The following ABHD3 variants were observed in gnomAD, a reference collection of about 807,000 sequenced individuals.
ABHD3 encodes phospholipase ABHD3.
In ABHD3, 46 loss-of-function variants were observed where a neutral mutation model predicts 48.8. The observed-to-expected ratio is 0.94, with a 90% CI of 0.74 to 1.20. The LOEUF is 1.20. ABHD3 is among the 50% of genes most tolerant of loss of function. The pLI, the probability that ABHD3 is intolerant of heterozygous loss-of-function variation, is 0.00. For synonymous variants in ABHD3, 192 were observed against 183.7 expected (o/e 1.04, Z -0.36); for missense variants, 490 against 497.8 (o/e 0.98, Z 0.15).
At chr18:21,685,698 T>A (rs1053937284) in intron 3 of ABHD3, among the ~76,000 whole-genome samples, 4 of 151,964 alleles carry the variant, frequency 2.6e-5, no homozygotes, top group Non-Finnish European at 4.4e-5. Flanking sequence ...CTCAGCTAAT[T>A]TTTATTCTTT....
chr18:21,666,022 ATTTATT>A (rs1217461057), intron 4 of ABHD3, among the ~76,000 whole-genome samples: 4 of 151,356 alleles, frequency 2.6e-5, no homozygotes, highest in African/African-American at 9.7e-5. Flanking sequence ...TTATTTTTAA[ATTTATT>A]TTTATTTTAT....
At chr18:21,661,697 A>G (rs1598515378) in intron 5 of ABHD3, 1 of 151,858 alleles carries the variant, frequency 6.6e-6, no homozygotes. Context: ...TTTGAGATGG[A>G]GTTTTGCTCT....
At chr18:21,680,921 T>C (rs2039992659) in intron 4 of ABHD3, among the ~76,000 whole-genome samples, 1 of 151,144 alleles carries the variant, frequency 6.6e-6, no homozygotes, top group South Asian at 2.1e-4. Context: ...TGAGACAGGG[T>C]TTCCATATGT....
intron 5 of ABHD3, among the ~76,000 whole-genome samples, chr18:21,659,675 G>A (rs1001678712): frequency 4.0e-5 from 6 of 150,366 alleles, no homozygotes; most frequent in African/African-American, 1.5e-4. Context: ...TTTTTTTTGT[G>A]TGTGTGTGTT....
intron 2 of ABHD3, 51 bp from the exon 3 acceptor site, chr18:21,702,549 T>TCTTA (rs1451991251): frequency 1.7e-6 from 2 of 1,149,546 alleles, no homozygotes; most frequent in Non-Finnish European, 2.3e-6. Flanking sequence ...TTAAGTCATG[T>TCTTA]CTTAATTTTA....
At chr18:21,679,782 C>T (rs911603833) in intron 4 of ABHD3, among the ~76,000 whole-genome samples, 5 of 152,208 alleles carry the variant, frequency 3.3e-5, no homozygotes, top group African/African-American at 1.2e-4. Context: ...ACCTCAGCCT[C>T]CCAAAGTGCT....
chr18:21,684,412 G>A (rs979826007), intron 3 of ABHD3, among the ~76,000 whole-genome samples: 1 of 143,652 alleles, frequency 7.0e-6, no homozygotes, highest in Non-Finnish European at 1.5e-5. Context: ...CCGCCTCCCA[G>A]GGTTCAAGCG....
chr18:21,659,756 C>T (rs974609291), intron 5 of ABHD3, among the ~76,000 whole-genome samples: 8 of 151,842 alleles, frequency 5.3e-5, no homozygotes, highest in Admixed American at 1.3e-4. Context: ...GCAACCTCCA[C>T]CCCCCTGGTT....
chr18:21,679,770 G>A (rs1039880503), intron 4 of ABHD3, among the ~76,000 whole-genome samples: 3 of 152,030 alleles, frequency 2.0e-5, no homozygotes, highest in African/African-American at 7.2e-5. Flanking sequence ...CATGATCCAC[G>A]CACCTCAGCC....
At chr18:21,699,370 C>T (rs1382093636) in intron 3 of ABHD3, among the ~76,000 whole-genome samples, 2 of 152,184 alleles carry the variant, frequency 1.3e-5, no homozygotes, top group East Asian at 3.8e-4. Flanking sequence ...TATTACACAG[C>T]TTTTCACAAA....
chr18:21,668,968 G>A (rs542888897), intron 4 of ABHD3, among the ~76,000 whole-genome samples: 1 of 152,194 alleles, frequency 6.6e-6, no homozygotes, highest in East Asian at 1.9e-4. Flanking sequence ...TATGCCTGTA[G>A]TCCCAGGTAC....
chr18:21,681,983 A>C, intron 4 of ABHD3, among the ~76,000 whole-genome samples: 1 of 152,006 alleles, frequency 6.6e-6, no homozygotes, highest in Non-Finnish European at 1.5e-5. Context: ...TAAATAAATA[A>C]AAAATCAGCC....
At chr18:21,703,500 T>G in intron 2 of ABHD3, 84 bp downstream of exon 2, 1 of 1,505,660 alleles carries the variant, frequency 6.6e-7, no homozygotes, top group South Asian at 1.2e-5. Flanking sequence ...GCAGATTCTA[T>G]TAACCAAGAA....
chr18:21,665,976 A>G lies in ABHD3; in HGVS notation c.556-1746T>C, dbSNP rs529040098. Among the ~76,000 whole-genome samples the G allele has an allele frequency of 2.5e-3, 383 of 152,258 alleles. 2 individuals are homozygous for G. The highest frequency in any genetic ancestry group is 4.2e-3 in the Non-Finnish European group (288 of 68,020). On this transcript the variant is annotated intron_variant, in intron 4 of 8. Transcript: ENST00000289119. Reference sequence around the variant, plus strand: ...GTGCTGTCTTCACTCTAGATAAAGCAATCTACGGTCTAATTTATTAACTGA... The same window carrying G: ...GTGCTGTCTTCACTCTAGATAAAGCGATCTACGGTCTAATTTATTAACTGA...
intron 4 of ABHD3, among the ~76,000 whole-genome samples, chr18:21,678,329 T>C (rs2146310986): frequency 1.3e-5 from 2 of 152,276 alleles, no homozygotes; most frequent in South Asian, 4.1e-4. Context: ...CTATTTTAAC[T>C]TTTGGAGGAA....
rs142589005 is a variant in ABHD3 at position 21,703,646 on chromosome 18, C to A, written c.264G>T (p.Glu88Asp). 2 of 1,614,150 alleles carry A rather than the reference C, an allele frequency of 1.2e-6. No homozygotes were observed. The highest frequency in any genetic ancestry group is 1.7e-6 in the Non-Finnish European group (2 of 1,180,028). The part of the protein sequence containing the change: ...ETYYPTVWCW[E>D]GRGQTLLRPF... ...GTCTAAGCAGGGTCTGTCCTCGACC[C>A]TCCCAGCACCAGACCGTCGGGTAGT... The change falls in exon 2 of 9, where the codon GAG (glutamate) becomes GAT (aspartate). Residue 88 changes from glutamate to aspartate, a missense_variant. Coordinates refer to ENST00000289119, the MANE Select transcript of ABHD3 (RefSeq NM_138340.5).
Position 21,651,473 on chromosome 18 carries a change from G to T in ABHD3, c.*118C>A. ...AAAGTAGTTTTTGCATATCATTCTGGACCTCTTCACCCATCTGCTGGCTTA... is the reference window on the plus strand; with the variant it reads ...AAAGTAGTTTTTGCATATCATTCTGTACCTCTTCACCCATCTGCTGGCTTA... On this transcript the variant is annotated 3_prime_UTR_variant, in exon 9 of 9. Transcript: ENST00000289119. 1.7e-6 allele frequency: 2 copies of T among 1,170,592 alleles called. No individual in the cohort carries two copies. The highest frequency in any genetic ancestry group is 1.6e-5 in the South Asian group (1 of 61,472). The allele number at this position is 1,170,592 out of a possible 1,614,324, so 72.5% of individuals were successfully genotyped here.
In ABHD3 at chr18:21,704,574, C is replaced by T; in HGVS notation, c.92G>A (p.Gly31Glu). The T allele has an allele frequency of 6.5e-7, 1 of 1,545,144 alleles. No individual in the cohort carries two copies. The highest frequency in any genetic ancestry group is 1.2e-5 in the South Asian group (1 of 82,554). ...GCCCAGGATAAGGGATAAGCCCACC[C>T]CCGAGCCGAAGAACCCCACCCGGAC... ...HQVRVGFFGS[G>E]VGLSLILGFS... Residue 31 changes from glycine to glutamate, a missense_variant, in exon 1 of 9, where the codon GGG (glycine) becomes GAG (glutamate). Physicochemically the swap from Gly to Glu is moderately conservative, Grantham distance 98 (BLOSUM62 -2). Transcript: ENST00000289119.
intron 8 of ABHD3, among the ~76,000 whole-genome samples, chr18:21,654,266 C>A (rs148004487): frequency 1.2e-3 from 176 of 152,192 alleles, no homozygotes; most frequent in African/African-American, 4.0e-3. Flanking sequence ...AACTTCACAA[C>A]TTGGGCTGAG....
Sources: allele counts gnomAD v4.1 joint callset (sites outside exome capture counted in the v4.1 genomes callset), GRCh38; gene constraint gnomAD v4.1.1; transcripts MANE v1.5; gene names NCBI Gene and HGNC (gene_info 2026-07-23, HGNC 2026-07-21).